NPC2: variants seen among roughly 807,000 people sequenced by gnomAD.
The protein encoded by NPC2 is NPC intracellular cholesterol transporter 2, also known as Niemann-Pick disease type C2 protein.
A neutral mutation model predicts 17.0 loss-of-function variants in NPC2; 14 were observed. The observed-to-expected ratio is 0.82, with a 90% CI of 0.54 to 1.29. The LOEUF (loss-of-function observed/expected upper bound fraction) is 1.29. Ranked by LOEUF, NPC2 falls within the 50% of genes most tolerant of loss-of-function variation. NPC2 has a pLI of 0.00. For missense variants in NPC2, 167 were observed against 183.4 expected (o/e 0.91, Z 0.52); for synonymous variants, 75 against 69.3 (o/e 1.08, Z -0.41).
chr14:74,487,265 TTTTTTTTTG>T (rs2086723398), intron 1 of NPC2, among the ~76,000 whole-genome samples: 2 of 142,804 alleles, frequency 1.4e-5, no homozygotes, highest in African/African-American at 5.4e-5. Flanking sequence ...GTTTTTGTGG[TTTTTTTTTG>T]TTTTTTTTTT....
intron 1 of NPC2, among the ~76,000 whole-genome samples, chr14:74,492,902 C>G (rs2086790699): frequency 6.6e-6 from 1 of 152,252 alleles, no homozygotes; most frequent in Admixed American, 6.5e-5. Context: ...TACAGCCCTT[C>G]TGTTGTCCGC....
At chr14:74,488,064 C>A (rs966624239) in intron 1 of NPC2, among the ~76,000 whole-genome samples, 4 of 152,090 alleles carry the variant, frequency 2.6e-5, no homozygotes, top group Non-Finnish European at 4.4e-5. Context: ...GGAAGGACAC[C>A]CCAAGGAAAT....
chr14:74,486,259 G>T, intron 2 of NPC2, 70 bp downstream of exon 2: 1 of 1,323,878 alleles, frequency 7.6e-7, no homozygotes, highest in Non-Finnish European at 1.1e-6. Flanking sequence ...CCATTCCCAT[G>T]CTTATTCCAA....
chr14:74,483,514 T>C (rs533939273), intron 3 of NPC2: 15 of 1,542,886 alleles, frequency 9.7e-6, no homozygotes, highest in African/African-American at 1.4e-5. Context: ...TCTAGGCCCA[T>C]AGTCAGCAGC....
Position 74,484,430 on chromosome 14 carries a change from T to C in NPC2, c.348A>G (p.Lys116=). Residue 116 remains lysine, a synonymous_variant, in exon 3 of 5, where the codon AAA becomes AAG. Coordinates refer to ENST00000555619, the MANE Select transcript of NPC2 (RefSeq NM_006432.5). ...TATCACTTACAGAGGGATATTCGCTTTTCACTGGTAGTTTATTCAGGTAGC... is the reference window on the plus strand; with the variant it reads ...TATCACTTACAGAGGGATATTCGCTCTTCACTGGTAGTTTATTCAGGTAGC... ...TYSYLNKLPV[K]SEYPSIKLVV... 6.2e-7 allele frequency: 1 copy of C among 1,614,136 alleles called. No homozygotes were observed. The highest frequency in any genetic ancestry group is 1.1e-5 in the South Asian group (1 of 91,078).
chr14:74,481,886 C>T (rs1225519291), intron 3 of NPC2, among the ~76,000 whole-genome samples: 5 of 152,240 alleles, frequency 3.3e-5, no homozygotes, highest in Admixed American at 1.3e-4. Flanking sequence ...TCACTAGTTA[C>T]TACCTCTCTT....
In NPC2 at chr14:74,483,169, A is replaced by C. The variant is rs2086672739; in HGVS notation, c.363+1246T>G. ...AGGCACAGGGCAATTTACAGCAATG[A>C]GGGATTTGTATATGAAGAATGGCCA... is the stretch of plus-strand genomic sequence containing the variant. On this transcript the variant is annotated intron_variant, in intron 3 of 4. Transcript: ENST00000555619. The C allele has an allele frequency of 3.5e-6, 3 of 846,348 alleles. No individual in the cohort carries two copies. In the South Asian group the frequency reaches 4.3e-5, roughly 12 times the overall value. 52.4% of individuals were successfully genotyped at this position (846,348 alleles called of 1,614,324 possible). A position where few individuals can be genotyped will look rare whatever the true frequency, so the allele number is the denominator to read the frequency against.
chr14:74,493,276 G>T lies in NPC2; in HGVS notation c.-2C>A. 2 of 1,612,830 alleles carry T rather than the reference G, an allele frequency of 1.2e-6. No individual in the cohort carries two copies. Among genetic ancestry groups the T allele is most frequent in the Non-Finnish European group, 1.7e-6 (2 of 1,179,570 alleles). Reference sequence around the variant, plus strand: ...GAATGTAGCTGCCAGGAAACGCATCGCGGATAACGAAGTTCCAAGCTCGGG... The same window carrying T: ...GAATGTAGCTGCCAGGAAACGCATCTCGGATAACGAAGTTCCAAGCTCGGG... On this transcript the variant is annotated 5_prime_UTR_variant, in exon 1 of 5. Transcript: ENST00000555619. This position sits in a 1 kb window ranked among gnomAD's most constrained non-coding sequence, Gnocchi z 4.1.
intron 1 of NPC2, among the ~76,000 whole-genome samples, chr14:74,486,907 A>G (rs1252628358): frequency 6.6e-6 from 1 of 152,124 alleles, no homozygotes; most frequent in African/African-American, 2.4e-5. Flanking sequence ...TCTAGCATAT[A>G]GATTAGCATG....
At chr14:74,493,457 A>G, upstream of NPC2, 1 of 1,369,264 alleles carries the variant, frequency 7.3e-7, no homozygotes, top group Non-Finnish European at 1.0e-6. This position sits in a 1 kb window ranked among gnomAD's most constrained non-coding sequence, Gnocchi z 4.1. Context: ...TCTCAGGCCC[A>G]GAAGCCTGCA....
upstream of NPC2, chr14:74,493,437 G>T (rs2086801342): frequency 4.0e-6 from 6 of 1,498,620 alleles, no homozygotes; most frequent in Non-Finnish European, 5.4e-6. The surrounding 1 kb of genome is among the most constrained non-coding windows in gnomAD (Gnocchi z 4.1). Flanking sequence ...CGGAAAGCCA[G>T]CTCCAGCCCT....
At chr14:74,482,472 G>A (rs1019567711) in intron 3 of NPC2, among the ~76,000 whole-genome samples, 2 of 152,188 alleles carry the variant, frequency 1.3e-5, no homozygotes, top group Non-Finnish European at 1.5e-5. Context: ...TGGGTCAGAG[G>A]TGAAGGTGGG....
chr14:74,486,225 C>T (rs569637046), intron 2 of NPC2, 104 bp downstream of exon 2: 1 of 1,060,678 alleles, frequency 9.4e-7, no homozygotes, highest in East Asian at 2.6e-5. Context: ...TCATAAAATT[C>T]ATGACTGCCA....
At chr14:74,488,190 T>C (rs2086732882) in intron 1 of NPC2, among the ~76,000 whole-genome samples, 1 of 152,218 alleles carries the variant, frequency 6.6e-6, no homozygotes, top group South Asian at 2.1e-4. Context: ...CTTTCTATCG[T>C]AGAGGTTCAA....
intron 1 of NPC2, among the ~76,000 whole-genome samples, chr14:74,487,814 G>A (rs191675243): frequency 7.0e-4 from 106 of 152,280 alleles, no homozygotes; most frequent in Non-Finnish European, 9.1e-4. Flanking sequence ...TATGGAAATT[G>A]TACCTTGACT....
intron 3 of NPC2, among the ~76,000 whole-genome samples, chr14:74,482,169 T>C (rs2086662336): frequency 6.6e-6 from 1 of 152,256 alleles, no homozygotes; most frequent in South Asian, 2.1e-4. Context: ...GATATTCATC[T>C]ACTAATCTGT....
chr14:74,484,082 T>C (rs1443034819), intron 3 of NPC2, among the ~76,000 whole-genome samples: 1 of 152,228 alleles, frequency 6.6e-6, no homozygotes, highest in Non-Finnish European at 1.5e-5. Context: ...ATATACAATA[T>C]ACTAAACCAA....
chr14:74,493,069 G>C lies in NPC2; in HGVS notation c.82+124C>G. 8.1e-7 allele frequency: 1 copy of C among 1,228,628 alleles called. No individual in the cohort carries two copies. Among genetic ancestry groups the C allele is most frequent in the Non-Finnish European group, 1.1e-6 (1 of 882,322 alleles). 76.1% of individuals were successfully genotyped at this position (1,228,628 alleles called of 1,614,324 possible). A position where few individuals can be genotyped will look rare whatever the true frequency, so the allele number is the denominator to read the frequency against. ...CGACCCAGCCCATTCCAGTTAGGTA[G>C]GGTCCAAGGCTCAGCCTGGCCGCCC... On this transcript the variant is annotated intron_variant, in intron 1 of 4. Transcript: ENST00000555619. The surrounding 1 kb of genome is among the most constrained non-coding windows in gnomAD (Gnocchi z 4.1).
intron 3 of NPC2, among the ~76,000 whole-genome samples, 170 bp from the exon 4 acceptor site, chr14:74,480,949 A>G (rs1309949830): frequency 4.6e-5 from 7 of 152,220 alleles, no homozygotes; most frequent in Admixed American, 4.6e-4. Flanking sequence ...TACAGCCTTA[A>G]GAGAGTGAAC....
Sources: gnomAD v4.1 joint callset for allele counts (sites outside exome capture counted in the v4.1 genomes callset) on GRCh38, gnomAD v4.1.1 for gene constraint, Gnocchi (gnomAD v3.1) non-coding constraint, MANE v1.5 for transcripts, NCBI Gene and HGNC (gene_info 2026-07-23, HGNC 2026-07-21) for gene names.